TBL1XR1: variants seen among roughly 807,000 people sequenced by gnomAD.
TBL1XR1 encodes F-box-like/WD repeat-containing protein TBL1XR1.
A neutral mutation model predicts 66.9 loss-of-function variants in TBL1XR1; 5 were observed. The ratio of observed to expected loss-of-function variants is 0.07; its 90% confidence interval spans 0.04 to 0.16. The LOEUF (loss-of-function observed/expected upper bound fraction) is 0.16. Ranked by LOEUF, TBL1XR1 falls within the 10% of genes least tolerant of loss-of-function variation. The probability of loss-of-function intolerance (pLI) is 1.00; values close to 1 mark genes in which losing one functional copy is unlikely to be tolerated. For missense variants in TBL1XR1, 238 were observed against 623.2 expected (o/e 0.38, Z 6.58); for synonymous variants, 210 against 206.0 (o/e 1.02, Z -0.17).
chr3:177,128,448 C>T (rs1727907335), intron 1 of TBL1XR1, among the ~76,000 whole-genome samples: 1 of 152,070 alleles, frequency 6.6e-6, no homozygotes, highest in African/African-American at 2.4e-5. Context: ...AACACAGCTC[C>T]CTGCAGCCTG....
At chr3:177,041,446 C>A (rs895487204) in intron 10 of TBL1XR1, among the ~76,000 whole-genome samples, 3 of 152,176 alleles carry the variant, frequency 2.0e-5, no homozygotes, top group Non-Finnish European at 4.4e-5. Context: ...CCCTCCCCCC[C>A]ATCCTGCTTC....
intron 15 of TBL1XR1, 66 bp from the exon 16 acceptor site, chr3:177,025,590 T>C: frequency 6.9e-7 from 1 of 1,459,716 alleles, no homozygotes. Flanking sequence ...TGTTTAACTT[T>C]TCTATAGTAC....
intron 2 of TBL1XR1, among the ~76,000 whole-genome samples, chr3:177,083,290 A>AT (rs1351376430): frequency 6.6e-6 from 1 of 151,210 alleles, no homozygotes; most frequent in East Asian, 1.9e-4. Flanking sequence ...CAGTCTAATT[A>AT]TGTATCCATC....
At chr3:177,089,657 A>G (rs995401264) in intron 2 of TBL1XR1, among the ~76,000 whole-genome samples, 1 of 152,208 alleles carries the variant, frequency 6.6e-6, no homozygotes, top group East Asian at 1.9e-4. Flanking sequence ...GCATCATTCT[A>G]TTCTTTGTGG....
chr3:177,105,034 G>C (rs927490251), intron 1 of TBL1XR1, among the ~76,000 whole-genome samples: 4 of 152,174 alleles, frequency 2.6e-5, no homozygotes, highest in African/African-American at 7.2e-5. Flanking sequence ...TAACGCCTAT[G>C]CATCAAAAGC....
chr3:177,104,243 G>A (rs1460510669), intron 1 of TBL1XR1, among the ~76,000 whole-genome samples: 2 of 151,924 alleles, frequency 1.3e-5, no homozygotes, highest in Non-Finnish European at 2.9e-5. Context: ...AAATTGCTTA[G>A]CACATGATTG....
At chr3:177,098,807 C>CA (rs1355286627) in intron 1 of TBL1XR1, among the ~76,000 whole-genome samples, 1 of 152,056 alleles carries the variant, frequency 6.6e-6, no homozygotes, top group African/African-American at 2.4e-5. Flanking sequence ...GTGGTCTCAC[C>CA]ACCAGGCAAC....
chr3:177,063,945 C>G (rs1305842913), intron 3 of TBL1XR1, among the ~76,000 whole-genome samples: 1 of 152,166 alleles, frequency 6.6e-6, no homozygotes, highest in Non-Finnish European at 1.5e-5. Flanking sequence ...AACAGGCTCT[C>G]AGACCGAAAG....
At chr3:177,162,673 C>T (rs1219481140) in intron 1 of TBL1XR1, among the ~76,000 whole-genome samples, 1 of 152,128 alleles carries the variant, frequency 6.6e-6, no homozygotes, top group Non-Finnish European at 1.5e-5. Flanking sequence ...GTAAATCATA[C>T]CTCAACTAAA....
chr3:177,116,545 C>T (rs937522859), intron 1 of TBL1XR1, among the ~76,000 whole-genome samples: 2 of 152,166 alleles, frequency 1.3e-5, no homozygotes, highest in African/African-American at 4.8e-5. Context: ...TTTTACATGC[C>T]TGTCTCCCTT....
chr3:177,144,452 A>C (rs1395811077), intron 1 of TBL1XR1, among the ~76,000 whole-genome samples: 1 of 151,956 alleles, frequency 6.6e-6, no homozygotes, highest in Non-Finnish European at 1.5e-5. Flanking sequence ...GTAGTTGTGA[A>C]GTGAAAGCAG....
At chr3:177,071,203 T>C (rs1325101972) in intron 2 of TBL1XR1, among the ~76,000 whole-genome samples, 1 of 152,040 alleles carries the variant, frequency 6.6e-6, no homozygotes, top group Non-Finnish European at 1.5e-5. Context: ...GCTAATTTTT[T>C]GTATTTTCAG....
At chr3:177,085,306 T>C (rs1721982412) in intron 2 of TBL1XR1, among the ~76,000 whole-genome samples, 1 of 152,150 alleles carries the variant, frequency 6.6e-6, no homozygotes, top group African/African-American at 2.4e-5. Context: ...GGAAGCAGAC[T>C]CATAGTAGCT....
At chr3:177,039,607 G>T (rs1371442030) in intron 10 of TBL1XR1, among the ~76,000 whole-genome samples, 1 of 152,114 alleles carries the variant, frequency 6.6e-6, no homozygotes, top group Non-Finnish European at 1.5e-5. Flanking sequence ...GAACATCCTT[G>T]TCTCCTGCTG....
At chr3:177,050,277 C>T (rs1258696725) in intron 6 of TBL1XR1, 139 bp from the exon 7 acceptor site, 3 of 1,300,762 alleles carry the variant, frequency 2.3e-6, no homozygotes, top group Non-Finnish European at 2.1e-6. Context: ...TTTTCCCATT[C>T]TACACGTTGG....
rs1577127855 is a variant in TBL1XR1 at position 177,088,689 on chromosome 3, C to T, written c.-46+9777G>A. Among the ~76,000 whole-genome samples, 5 of 149,806 alleles carry T rather than the reference C, an allele frequency of 3.3e-5. No individual in the cohort carries two copies. In the East Asian group the frequency reaches 9.9e-4, roughly 30 times the overall value. ...TAAATATAACTCCAATTTGTGTGTG[C>T]TCTGCTTTTCTTCATTTGTTTAAAA... On this transcript the variant is annotated intron_variant, in intron 2 of 15. Transcript: ENST00000457928.
chr3:177,025,603 T>A lies in TBL1XR1; in HGVS notation c.1519-79A>T, dbSNP rs1448678701. 2.2e-6 allele frequency: 3 copies of A among 1,358,430 alleles called. No individual in the cohort carries two copies. The East Asian group carries it at 7.1e-5, about 32-fold the overall frequency. The allele number at this position is 1,358,430 out of a possible 1,614,324, so 84.1% of individuals were successfully genotyped here. On this transcript the variant is annotated intron_variant, in intron 15 of 15. Coordinates refer to ENST00000457928, the MANE Select transcript of TBL1XR1 (RefSeq NM_024665.7). ...TATGTTTAACTTTTCTATAGTACAA[T>A]TTGAAATGTTTCTTAGTTCCAAGTT...
chr3:177,188,632 C>G (rs1412874471), intron 1 of TBL1XR1, among the ~76,000 whole-genome samples: 1 of 152,154 alleles, frequency 6.6e-6, no homozygotes, highest in African/African-American at 2.4e-5. Context: ...AATTCTACCT[C>G]CTGAAACCTT....
intron 1 of TBL1XR1, chr3:177,111,005 T>C (rs1301746577): frequency 1.3e-5 from 2 of 152,184 alleles, no homozygotes; most frequent in Non-Finnish European, 2.9e-5. Flanking sequence ...ACTAGACAAA[T>C]TCACAAAACC....
Sources: allele counts gnomAD v4.1 joint callset (sites outside exome capture counted in the v4.1 genomes callset), GRCh38; gene constraint gnomAD v4.1.1; transcripts MANE v1.5; gene names NCBI Gene and HGNC (gene_info 2026-07-23, HGNC 2026-07-21).